Variants in ADGRV1 observed in about 807,000 individuals in gnomAD.
ADGRV1 encodes the protein adhesion G protein-coupled receptor V1.
In ADGRV1, 359 loss-of-function variants were observed where a neutral mutation model predicts 596.2. The observed-to-expected ratio is 0.60, with a 90% CI of 0.55 to 0.66. ADGRV1 has a LOEUF of 0.66. ADGRV1 is among the 30% of genes least tolerant of loss of function. ADGRV1 has a pLI of 0.00. For missense variants in ADGRV1, 7,274 were observed against 7,575.6 expected (o/e 0.96, Z 1.48); for synonymous variants, 2,681 against 2,679.2 (o/e 1.00, Z -0.02).
chr5:90,712,216 T>C (rs1366164018), intron 41 of ADGRV1, 71 bp from the exon 42 acceptor site: 2 of 862,686 alleles, frequency 2.3e-6, no homozygotes, highest in African/African-American at 3.5e-5. Context: ...ATTGTATTTC[T>C]TTCCAAACAT....
rs1030696028 is a variant in ADGRV1, at chr5:90,876,874, A to G, written c.17856+13017A>G. Reference sequence around the variant, plus strand: ...CCAACTATTTAGTGTCATATGTACTATGACGCAGTAATGTCATGTTATGTA... The same window carrying G: ...CCAACTATTTAGTGTCATATGTACTGTGACGCAGTAATGTCATGTTATGTA... On this transcript the variant is annotated intron_variant, in intron 83 of 89. Coordinates refer to ENST00000405460, the MANE Select transcript of ADGRV1 (RefSeq NM_032119.4). 5.9e-5 allele frequency among the ~76,000 whole-genome samples: 9 copies of G among 152,322 alleles called. 1 individual carries two copies. In the East Asian group the frequency reaches 1.7e-3, roughly 29 times the overall value.
At chr5:90,604,166 A>T (rs546681158) in intron 1 of ADGRV1, among the ~76,000 whole-genome samples, 1 of 151,958 alleles carries the variant, frequency 6.6e-6, no homozygotes, top group Admixed American at 6.5e-5. Context: ...CATTTTTTTA[A>T]AATGTGAAAT....
At chr5:90,602,253 A>G (rs1037365981) in intron 1 of ADGRV1, among the ~76,000 whole-genome samples, 1 of 152,190 alleles carries the variant, frequency 6.6e-6, no homozygotes, top group African/African-American at 2.4e-5. Flanking sequence ...AGATGGAAGG[A>G]AGTAAGTTTG....
intron 22 of ADGRV1, 91 bp from the exon 23 acceptor site, chr5:90,673,963 A>G: frequency 3.5e-6 from 3 of 851,624 alleles, no homozygotes; most frequent in South Asian, 3.6e-5. Flanking sequence ...AACTTCATTT[A>G]AATATAATTT....
intron 87 of ADGRV1, among the ~76,000 whole-genome samples, chr5:91,110,103 C>T (rs545956408): frequency 9.2e-5 from 14 of 152,112 alleles, no homozygotes; most frequent in African/African-American, 2.4e-4. Context: ...TTTATTTTCC[C>T]GTTCCATTAA....
chr5:91,159,233 T>C (rs1183446081), intron 89 of ADGRV1, among the ~76,000 whole-genome samples: 1 of 152,176 alleles, frequency 6.6e-6, no homozygotes, highest in African/African-American at 2.4e-5. Context: ...GTAGTCAGTT[T>C]CCAGATTAAA....
chr5:91,155,584 A>G (rs1796413306), intron 89 of ADGRV1, among the ~76,000 whole-genome samples: 1 of 152,234 alleles, frequency 6.6e-6, no homozygotes, highest in Non-Finnish European at 1.5e-5. Flanking sequence ...TTAGCATTTT[A>G]GCAGCTCTAA....
At chr5:90,684,253 A>G in intron 28 of ADGRV1, 58 bp downstream of exon 28, 1 of 1,416,128 alleles carries the variant, frequency 7.1e-7, no homozygotes, top group Non-Finnish European at 9.3e-7. Flanking sequence ...TGAAACAATC[A>G]GTTTTAAATT....
chr5:90,624,712 C>T (rs1764513089), intron 5 of ADGRV1, among the ~76,000 whole-genome samples: 1 of 152,126 alleles, frequency 6.6e-6, no homozygotes, highest in South Asian at 2.1e-4. Flanking sequence ...AAAAGAGATG[C>T]AGCATAGAGT....
intron 85 of ADGRV1, among the ~76,000 whole-genome samples, chr5:91,071,583 T>C (rs751266660): frequency 6.6e-6 from 1 of 152,236 alleles, no homozygotes; most frequent in Non-Finnish European, 1.5e-5. Flanking sequence ...CAAAATTTAC[T>C]AAATGCTGTA....
Position 90,711,318 on chromosome 5 carries a change from C to T in ADGRV1, c.9038C>T (p.Pro3013Leu). The T allele has an allele frequency of 6.3e-7, 1 of 1,598,574 alleles. No individual in the cohort carries two copies. The highest frequency in any genetic ancestry group is 8.5e-7 in the Non-Finnish European group (1 of 1,174,188). The change falls in exon 41 of 90, where the codon CCA becomes CTA. Residue 3013 changes from proline to leucine, a missense_variant. Physicochemically the swap from Pro to Leu is moderately conservative, Grantham distance 98. Around this residue, in one of 5 missense-constraint regions of ADGRV1, gnomAD observed 3,643 missense variants for 3,809.2 expected, o/e 0.96. Coordinates refer to ENST00000405460, the MANE Select transcript of ADGRV1 (RefSeq NM_032119.4). ...GTGGGGCTGGATTATATCTTCACCC[C>T]AATGGTGGGTCTCAAAATCTATCAC... ...AQVGLDYIFTPMILHFADGER... is the reference protein window; with the variant it reads ...AQVGLDYIFTLMILHFADGER...
chr5:90,678,849 A>G (rs1744577758), intron 25 of ADGRV1, among the ~76,000 whole-genome samples: 1 of 151,958 alleles, frequency 6.6e-6, no homozygotes. Context: ...AATTTCCCAC[A>G]TGTGAACTTT....
At chr5:90,729,967 G>A (rs141197244) in intron 50 of ADGRV1, among the ~76,000 whole-genome samples, 8 of 151,996 alleles carry the variant, frequency 5.3e-5, no homozygotes, top group Admixed American at 1.3e-4. Flanking sequence ...CCCAGGTTCC[G>A]CTATTCTCCT....
At chr5:91,006,533 A>G (rs962421747) in intron 85 of ADGRV1, among the ~76,000 whole-genome samples, 3 of 152,138 alleles carry the variant, frequency 2.0e-5, no homozygotes, top group Admixed American at 2.0e-4. Context: ...CATGGTATCA[A>G]TTAGTAAGAT....
At chr5:90,626,934 A>G (rs1764835279) in intron 6 of ADGRV1, among the ~76,000 whole-genome samples, 1 of 152,192 alleles carries the variant, frequency 6.6e-6, no homozygotes, top group Non-Finnish European at 1.5e-5. Flanking sequence ...CTTTGGAGTT[A>G]TCTAAGGACC....
intron 7 of ADGRV1, 71 bp downstream of exon 7, chr5:90,627,847 T>C: frequency 1.0e-6 from 1 of 992,044 alleles, no homozygotes; most frequent in Non-Finnish European, 1.4e-6. Context: ...TTTGTGGTGT[T>C]GGACACAACA....
chr5:90,960,423 G>A (rs1777912236), intron 83 of ADGRV1, among the ~76,000 whole-genome samples: 1 of 152,092 alleles, frequency 6.6e-6, no homozygotes, highest in South Asian at 2.1e-4. Flanking sequence ...TGCTTGCCGT[G>A]TTCTCTTTTT....
intron 1 of ADGRV1, among the ~76,000 whole-genome samples, chr5:90,594,529 C>G (rs1334442269): frequency 8.1e-6 from 1 of 123,108 alleles, no homozygotes; most frequent in Non-Finnish European, 1.6e-5. Flanking sequence ...GTGTTTCTCA[C>G]AGAGGGGGAT....
intron 51 of ADGRV1, 39 bp downstream of exon 51, chr5:90,745,304 C>G: frequency 1.6e-6 from 2 of 1,289,664 alleles, no homozygotes; most frequent in Non-Finnish European, 2.1e-6. Context: ...TTTATGTTCA[C>G]TGTAATTTTG....
Sources: gnomAD v4.1 joint callset for allele counts (sites outside exome capture counted in the v4.1 genomes callset) on GRCh38, gnomAD v4.1.1 for gene constraint, gnomAD v4.1.1 regional missense constraint, MANE v1.5 for transcripts, NCBI Gene and HGNC (gene_info 2026-07-23, HGNC 2026-07-21) for gene names.